ZNF804B: variants seen among roughly 807,000 people sequenced by gnomAD.
The protein encoded by ZNF804B is zinc finger 804B.
In ZNF804B, 80 loss-of-function variants were observed where a neutral mutation model predicts 101.4. The observed-to-expected ratio is 0.79, with a 90% CI of 0.66 to 0.95. The LOEUF (loss-of-function observed/expected upper bound fraction) is 0.95. Among genes scored for constraint, ZNF804B ranks in the 40% least tolerant of loss-of-function variants. ZNF804B has a pLI of 0.00. For synonymous variants in ZNF804B, 622 were observed against 558.8 expected (o/e 1.11, Z -1.59); for missense variants, 1,673 against 1,561.9 (o/e 1.07, Z -1.20).
At chr7:89,009,999 C>G (rs190265359) in intron 1 of ZNF804B, among the ~76,000 whole-genome samples, 1 of 152,072 alleles carries the variant, frequency 6.6e-6, no homozygotes. Context: ...AATCTATCAC[C>G]AAATTCTTTT....
At chr7:88,844,039 C>T (rs1791330781) in intron 1 of ZNF804B, among the ~76,000 whole-genome samples, 1 of 151,782 alleles carries the variant, frequency 6.6e-6, no homozygotes, top group African/African-American at 2.4e-5. Flanking sequence ...AACATGACTC[C>T]CATAAACCCA....
intron 1 of ZNF804B, among the ~76,000 whole-genome samples, chr7:89,134,292 T>C (rs1169943779): frequency 2.0e-5 from 3 of 152,052 alleles, no homozygotes; most frequent in Admixed American, 6.6e-5. Flanking sequence ...TAAGATGAAA[T>C]TTTTAAGAAA....
intron 1 of ZNF804B, among the ~76,000 whole-genome samples, chr7:88,975,969 G>T (rs1793610254): frequency 6.6e-6 from 1 of 151,342 alleles, no homozygotes; most frequent in Non-Finnish European, 1.5e-5. Context: ...GAGAGATAGG[G>T]GTTCATTCTT....
intron 1 of ZNF804B, among the ~76,000 whole-genome samples, chr7:89,121,513 G>GA (rs1790405714): frequency 6.6e-6 from 1 of 151,932 alleles, no homozygotes; most frequent in African/African-American, 2.4e-5. Flanking sequence ...TAATCTGCCA[G>GA]AAAAATACCT....
intron 1 of ZNF804B, among the ~76,000 whole-genome samples, chr7:89,127,203 C>T (rs76356719): frequency 6.6e-6 from 1 of 151,724 alleles, no homozygotes; most frequent in Non-Finnish European, 1.5e-5. Flanking sequence ...AAATAAATAT[C>T]GATATTGATG....
At chr7:89,241,917 G>A (rs1260445091) in intron 2 of ZNF804B, among the ~76,000 whole-genome samples, 1 of 148,650 alleles carries the variant, frequency 6.7e-6, no homozygotes, top group Non-Finnish European at 1.5e-5. Flanking sequence ...TCTCTTAAAG[G>A]AACAATATGC....
intron 1 of ZNF804B, among the ~76,000 whole-genome samples, chr7:88,801,748 GT>G (rs1189041402): frequency 6.6e-6 from 1 of 151,736 alleles, no homozygotes. Context: ...TATAAAGACA[GT>G]TTTTATAGAA....
At chr7:89,018,644 T>C (rs1788609933) in intron 1 of ZNF804B, among the ~76,000 whole-genome samples, 1 of 152,088 alleles carries the variant, frequency 6.6e-6, no homozygotes, top group Non-Finnish European at 1.5e-5. Flanking sequence ...AGCTGGACTG[T>C]GCTGGAATGG....
chr7:89,072,085 T>C (rs1434817227), intron 1 of ZNF804B, among the ~76,000 whole-genome samples: 1 of 152,166 alleles, frequency 6.6e-6, no homozygotes, highest in East Asian at 1.9e-4. Context: ...CTTTTAGCTC[T>C]TCTCTGTAGG....
At chr7:88,807,421 A>C (rs1298963304) in intron 1 of ZNF804B, among the ~76,000 whole-genome samples, 1 of 152,242 alleles carries the variant, frequency 6.6e-6, no homozygotes, top group African/African-American at 2.4e-5. Flanking sequence ...CACCATACAG[A>C]AGAGCTAGAT....
chr7:89,166,846 G>T (rs1439527041), intron 1 of ZNF804B, among the ~76,000 whole-genome samples: 1 of 152,082 alleles, frequency 6.6e-6, no homozygotes, highest in Non-Finnish European at 1.5e-5. Flanking sequence ...GTAGGAGAGG[G>T]TTATGAAATT....
chr7:89,062,041 C>T (rs538182059), intron 1 of ZNF804B, among the ~76,000 whole-genome samples: 5 of 152,012 alleles, frequency 3.3e-5, no homozygotes, highest in African/African-American at 4.8e-5. Flanking sequence ...TGCTAGTGCT[C>T]GAGGCAGACT....
At chr7:89,160,110 T>G (rs537255467) in intron 1 of ZNF804B, among the ~76,000 whole-genome samples, 2 of 152,318 alleles carry the variant, frequency 1.3e-5, no homozygotes, top group South Asian at 4.1e-4. Context: ...TTTAGAATAT[T>G]CCATTGTTAA....
intron 3 of ZNF804B, among the ~76,000 whole-genome samples, chr7:89,329,172 A>G (rs955200720): frequency 1.3e-5 from 2 of 151,786 alleles, no homozygotes; most frequent in African/African-American, 4.8e-5. Flanking sequence ...TTGATAAAAT[A>G]GGCAAACTCT....
chr7:88,903,706 G>T (rs764241003), intron 1 of ZNF804B, among the ~76,000 whole-genome samples: 2 of 152,136 alleles, frequency 1.3e-5, no homozygotes, highest in Non-Finnish European at 2.9e-5. Context: ...CTGATGATTA[G>T]TGACGATGAC....
intron 1 of ZNF804B, among the ~76,000 whole-genome samples, chr7:88,996,168 ATAT>A (rs1432116825): frequency 1.3e-5 from 2 of 152,080 alleles, no homozygotes; most frequent in African/African-American, 2.4e-5. Context: ...TACTCTACTA[ATAT>A]AATATTAAAA....
chr7:88,887,168 C>A (rs1472009414), intron 1 of ZNF804B, among the ~76,000 whole-genome samples: 2 of 152,138 alleles, frequency 1.3e-5, no homozygotes, highest in African/African-American at 4.8e-5. Flanking sequence ...ATCATTAAAT[C>A]ATTTCTTTAG....
chr7:88,957,792 A>T (rs1428982550), intron 1 of ZNF804B, among the ~76,000 whole-genome samples: 2 of 151,256 alleles, frequency 1.3e-5, no homozygotes, highest in East Asian at 3.9e-4. Context: ...GGGTCCCTAA[A>T]CTTTCTTCTT....
chr7:89,080,503 T>G (rs775944093), intron 1 of ZNF804B, among the ~76,000 whole-genome samples: 5 of 151,942 alleles, frequency 3.3e-5, no homozygotes, highest in Non-Finnish European at 7.4e-5. Flanking sequence ...AATTAGCTCT[T>G]TATGCTCAAG....
Sources: allele counts gnomAD v4.1 joint callset (sites outside exome capture counted in the v4.1 genomes callset), GRCh38; gene constraint gnomAD v4.1.1; transcripts MANE v1.5; gene names NCBI Gene and HGNC (gene_info 2026-07-23, HGNC 2026-07-21).